DCAF5: variants seen among roughly 807,000 people sequenced by gnomAD.
The protein encoded by DCAF5 is DDB1- and CUL4-associated factor 5.
Under a neutral mutation model 80.7 loss-of-function variants are expected in DCAF5, and 9 were observed. The ratio of observed to expected loss-of-function variants is 0.11; its 90% CI spans 0.07 to 0.19. The LOEUF (loss-of-function observed/expected upper bound fraction) is 0.19. Among genes scored for constraint, DCAF5 ranks in the 10% least tolerant of loss-of-function variants. The pLI is 1.00. For synonymous variants in DCAF5, 433 were observed against 461.9 expected (o/e 0.94, Z 0.80); for missense variants, 842 against 1,205.7 (o/e 0.70, Z 4.47).
At chr14:69,123,794 G>A (rs1329369126) in intron 1 of DCAF5, among the ~76,000 whole-genome samples, 6 of 152,100 alleles carry the variant, frequency 3.9e-5, no homozygotes, top group Non-Finnish European at 8.8e-5. Context: ...CACCTCCCAG[G>A]TTCAAGCGAT....
At chr14:69,150,058 C>T (rs2041654661) in intron 1 of DCAF5, among the ~76,000 whole-genome samples, 1 of 152,132 alleles carries the variant, frequency 6.6e-6, no homozygotes, top group South Asian at 2.1e-4. Flanking sequence ...CAGCTGTGTA[C>T]TCATAATGGA....
chr14:69,078,868 T>C (rs1359230374), intron 6 of DCAF5, among the ~76,000 whole-genome samples: 3 of 152,170 alleles, frequency 2.0e-5, no homozygotes, highest in Non-Finnish European at 4.4e-5. Flanking sequence ...ATATATTTAA[T>C]GTACACTTTT....
Position 69,053,680 on chromosome 14 carries a change from A to T in DCAF5, c.*177T>A. On this transcript the variant is annotated 3_prime_UTR_variant, in exon 9 of 9. Coordinates refer to ENST00000341516, the MANE Select transcript of DCAF5 (RefSeq NM_003861.3). ...ACACAGCACAAGCCAATGGCCAGCT[A>T]GACATTCAGACCCGTTGTTGAATGT... 1 of 610,190 alleles carries T rather than the reference A, an allele frequency of 1.6e-6. No homozygotes were observed. The highest frequency in any genetic ancestry group is 2.8e-6 in the Non-Finnish European group (1 of 363,304). The allele number at this position is 610,190 out of a possible 1,614,324, so 37.8% of individuals were successfully genotyped here.
intron 1 of DCAF5, among the ~76,000 whole-genome samples, chr14:69,151,838 C>G (rs1183913419): frequency 6.6e-6 from 1 of 152,156 alleles, no homozygotes; most frequent in African/African-American, 2.4e-5. Flanking sequence ...CCCGGGAGAG[C>G]GAGGCCTACA....
chr14:69,055,338 C>T lies in DCAF5; in HGVS notation c.1348G>A (p.Val450Ile). 6.2e-7 allele frequency: 1 copy of T among 1,614,134 alleles called. No homozygotes were observed. Among genetic ancestry groups the T allele is most frequent in the Non-Finnish European group, 8.5e-7 (1 of 1,180,024 alleles). Reference sequence around the variant, plus strand: ...TCAGTGTAGCCTGAGCGCTCGCTGACCCCAGCGTGCAGTTGGAGGATAGTA... The same window carrying T: ...TCAGTGTAGCCTGAGCGCTCGCTGATCCCAGCGTGCAGTTGGAGGATAGTA... ...ESTILQLHAG[V>I]SERSGYTDSE... The change falls in exon 9 of 9, where the codon GTC (valine) becomes ATC (isoleucine). Residue 450 changes from valine (V) to isoleucine (I), a missense_variant. By Grantham distance (29) the Val-to-Ile change is conservative. Coordinates refer to ENST00000341516, the MANE Select transcript of DCAF5 (RefSeq NM_003861.3). This position sits in a 1 kb window ranked among gnomAD's most constrained non-coding sequence, Gnocchi z 5.6.
chr14:69,139,606 G>A (rs2041299129), intron 1 of DCAF5, among the ~76,000 whole-genome samples: 1 of 152,036 alleles, frequency 6.6e-6, no homozygotes. Context: ...TTGAGGCCAG[G>A]AGTTCAAGAC....
intron 1 of DCAF5, among the ~76,000 whole-genome samples, chr14:69,132,796 A>G (rs1257122834): frequency 6.6e-6 from 1 of 152,114 alleles, no homozygotes; most frequent in Non-Finnish European, 1.5e-5. Context: ...ATAAGAAAAA[A>G]CCCACAGGAT....
At chr14:69,099,323 C>A (rs1192120803) in intron 5 of DCAF5, among the ~76,000 whole-genome samples, 1 of 149,970 alleles carries the variant, frequency 6.7e-6, no homozygotes, top group East Asian at 2.0e-4. Context: ...AAAACAGGCT[C>A]CATCGAGATT....
chr14:69,098,666 G>A (rs1041393223), intron 5 of DCAF5, among the ~76,000 whole-genome samples: 9 of 147,760 alleles, frequency 6.1e-5, no homozygotes, highest in African/African-American at 1.8e-4. Context: ...GGCGGATCAC[G>A]AGGTCAGGAG....
chr14:69,127,896 C>A (rs1199296533), intron 1 of DCAF5, among the ~76,000 whole-genome samples: 1 of 152,132 alleles, frequency 6.6e-6, no homozygotes, highest in Non-Finnish European at 1.5e-5. Flanking sequence ...AACAAATCAT[C>A]AACATTTTGT....
At chr14:69,122,039 A>G (rs2040739080) in intron 2 of DCAF5, among the ~76,000 whole-genome samples, 178 bp downstream of exon 2, 1 of 152,196 alleles carries the variant, frequency 6.6e-6, no homozygotes, top group Non-Finnish European at 1.5e-5. Context: ...GAAGAGAGAA[A>G]AGACACACAC....
intron 2 of DCAF5, among the ~76,000 whole-genome samples, chr14:69,120,079 T>A (rs2040669066): frequency 6.6e-6 from 1 of 152,124 alleles, no homozygotes; most frequent in African/African-American, 2.4e-5. Flanking sequence ...GTTTGTCTTT[T>A]AAAAATTTTT....
chr14:69,152,991 GCCGCCGCCGCTCGCGCCGCCGC>G lies in DCAF5; in HGVS notation c.-35_-14del. 6 of 1,544,326 alleles carry G rather than the reference GCCGCCGCCGCTCGCGCCGCCGC, an allele frequency of 3.9e-6. No homozygotes were observed. Among genetic ancestry groups the G allele is most frequent in the Non-Finnish European group, 5.2e-6 (6 of 1,151,140 alleles). ...CTCTCCTCTTCATGCTGGAACCGCC[GCCGCCGCCGCTCGCGCCGCCGC>G]CCCTCCCTCGGCCTCACGCGCGGCC... On this transcript the variant is annotated 5_prime_UTR_variant, in exon 1 of 9. Transcript: ENST00000341516. This position sits in a 1 kb window ranked among gnomAD's most constrained non-coding sequence, Gnocchi z 4.1.
chr14:69,095,915 T>C (rs558630915), intron 5 of DCAF5, among the ~76,000 whole-genome samples: 1 of 152,266 alleles, frequency 6.6e-6, no homozygotes, highest in Admixed American at 6.5e-5. Context: ...ACTACTATCC[T>C]AACTCACAGA....
At position 69,152,634 on chromosome 14, in the gene DCAF5, C is replaced by T; in HGVS notation, c.214+131G>A. ...TGGTTTTAATTTGACACCAAACCTT[C>T]CCACCGCAGAAGGGGGTAGAGAAAG... On this transcript the variant is annotated intron_variant, in intron 1 of 8. Coordinates refer to ENST00000341516, the MANE Select transcript of DCAF5 (RefSeq NM_003861.3). This position sits in a 1 kb window ranked among gnomAD's most constrained non-coding sequence, Gnocchi z 4.1. The T allele has an allele frequency of 1.5e-6, 1 of 668,278 alleles. No individual in the cohort carries two copies. Among genetic ancestry groups the T allele is most frequent in the Non-Finnish European group, 2.5e-6 (1 of 397,048 alleles). The allele number at this position is 668,278 out of a possible 1,614,324, so 41.4% of individuals were successfully genotyped here.
At chr14:69,131,408 C>G (rs572588971) in intron 1 of DCAF5, among the ~76,000 whole-genome samples, 1 of 152,006 alleles carries the variant, frequency 6.6e-6, no homozygotes, top group Non-Finnish European at 1.5e-5. Flanking sequence ...GAAACTGCAG[C>G]GCATTACAGA....
chr14:69,082,502 C>A (rs568921600), intron 6 of DCAF5, among the ~76,000 whole-genome samples: 2 of 152,208 alleles, frequency 1.3e-5, no homozygotes, highest in African/African-American at 4.8e-5. Flanking sequence ...CAATAACAGT[C>A]AAATAATCAG....
At chr14:69,070,240 G>A (rs1325883130) in intron 7 of DCAF5, among the ~76,000 whole-genome samples, 1 of 152,116 alleles carries the variant, frequency 6.6e-6, no homozygotes, top group Non-Finnish European at 1.5e-5. Flanking sequence ...GAAAGAGAAG[G>A]GAAAGGCAAT....
intron 6 of DCAF5, chr14:69,090,994 C>T: frequency 1.4e-6 from 1 of 695,460 alleles, no homozygotes; most frequent in Non-Finnish European, 2.6e-6. Context: ...CCCAACTGGT[C>T]ACTGACACTT....
Sources: allele counts gnomAD v4.1 joint callset (sites outside exome capture counted in the v4.1 genomes callset), GRCh38; gene constraint gnomAD v4.1.1; non-coding constraint Gnocchi (gnomAD v3.1); transcripts MANE v1.5; gene names NCBI Gene and HGNC (gene_info 2026-07-23, HGNC 2026-07-21).